Variants in MTFMT observed in about 807,000 individuals in gnomAD.
MTFMT encodes the protein mitochondrial methionyl-tRNA formyltransferase, also known as methionyl-tRNA formyltransferase, mitochondrial.
MTFMT carries 47 observed loss-of-function variants against 51.8 expected under a neutral mutation model. That is an observed-to-expected ratio of 0.91 (90% CI 0.72 to 1.16). MTFMT has a LOEUF of 1.16. Among genes scored for constraint, MTFMT ranks in the 50% most tolerant of loss-of-function variants. The pLI is 0.00. For missense variants in MTFMT, 512 were observed against 482.3 expected, an observed-to-expected ratio of 1.06 and a Z score of -0.58; for synonymous variants, 196 against 176.7, an observed-to-expected ratio of 1.11 and a Z score of -0.87.
Position 65,025,281 on chromosome 15 carries a change from T to C in MTFMT, c.420-1487A>G, listed in dbSNP as rs116797336. 2.9e-3 allele frequency among the ~76,000 whole-genome samples: 435 copies of C among 147,812 alleles called. 3 individuals carry two copies. The highest frequency in any genetic ancestry group is 9.1e-3 in the African/African-American group (367 of 40,522). The stretch of plus-strand genomic sequence containing the variant: ...TTAGCTGGGTGTGTTGGCACATTCC[T>C]ATAGTCTCAGCTACTCAGAAGGCTG... On this transcript the variant is annotated intron_variant, in intron 2 of 8. Transcript: ENST00000220058.
Position 65,002,055 on chromosome 15 carries a change from CAGT to C in MTFMT, c.*1004_*1006del, listed in dbSNP as rs895159769. ...TGCAGATTCAATACTCCTAAAATGT[CAGT>C]GGTGACACGATTTTTAAAAAATTAA... On this transcript the variant is annotated 3_prime_UTR_variant, in exon 9 of 9. Coordinates refer to ENST00000220058, the MANE Select transcript of MTFMT (RefSeq NM_139242.4). The C allele has an allele frequency of 6.6e-6, 1 of 151,986 alleles. No individual in the cohort carries two copies. Among genetic ancestry groups the C allele is most frequent in the Non-Finnish European group, 1.5e-5 (1 of 68,008 alleles). 9.4% of individuals were successfully genotyped at this position (151,986 alleles called of 1,614,324 possible).
chr15:65,011,340 A>G (rs532908448), intron 6 of MTFMT, among the ~76,000 whole-genome samples: 1 of 152,186 alleles, frequency 6.6e-6, no homozygotes, highest in East Asian at 1.9e-4. Context: ...AACAAAAAAG[A>G]AATGTTTACT....
rs2086210962 is a variant in MTFMT, at chr15:65,005,047, A to AG, written c.893-112dup. Reference sequence around the variant, plus strand: ...TTGGGAGGCAGTACTGATACCGGAGAGAACACATTTGCTGATGTTGACTTT... The same window carrying AG: ...TTGGGAGGCAGTACTGATACCGGAGAGGAACACATTTGCTGATGTTGACTTT... On this transcript the variant is annotated intron_variant, in intron 7 of 8. Coordinates refer to ENST00000220058, the MANE Select transcript of MTFMT (RefSeq NM_139242.4). 7.0e-6 allele frequency: 5 copies of AG among 716,412 alleles called. No individual in the cohort carries two copies. In the South Asian group the frequency reaches 8.4e-5, roughly 12 times the overall value. The allele number at this position is 716,412 out of a possible 1,614,324, so 44.4% of individuals were successfully genotyped here.
At chr15:65,024,984 T>C (rs547905168) in intron 2 of MTFMT, among the ~76,000 whole-genome samples, 1 of 151,892 alleles carries the variant, frequency 6.6e-6, no homozygotes, top group Admixed American at 6.6e-5. Context: ...AGAAGGTAAA[T>C]GCTCGGCAAA....
chr15:65,028,572 T>C (rs528150509), intron 1 of MTFMT, among the ~76,000 whole-genome samples: 1 of 151,876 alleles, frequency 6.6e-6, no homozygotes, highest in South Asian at 2.1e-4. Flanking sequence ...ACACAGGGGA[T>C]TGACGAAGGA....
intron 7 of MTFMT, 34 bp from the exon 8 acceptor site, chr15:65,004,970 G>A (rs754543477): frequency 6.7e-7 from 1 of 1,492,268 alleles, no homozygotes; most frequent in South Asian, 1.1e-5. Context: ...ATATACAAGA[G>A]AAAAAAGCAA....
At chr15:65,016,667 C>A (rs905558172) in intron 5 of MTFMT, 140 bp from the exon 6 acceptor site, 3 of 400,148 alleles carry the variant, frequency 7.5e-6, no homozygotes, top group African/African-American at 2.1e-5. Context: ...TTCCATATAT[C>A]AAGTAAAAAT....
chr15:65,019,634 G>C (rs2086354042), intron 5 of MTFMT, among the ~76,000 whole-genome samples: 1 of 151,210 alleles, frequency 6.6e-6, no homozygotes. Flanking sequence ...CATAGAGAGA[G>C]GAAAAAAAGA....
intron 3 of MTFMT, among the ~76,000 whole-genome samples, chr15:65,022,882 T>C (rs145196567): frequency 6.7e-6 from 1 of 150,160 alleles, no homozygotes; most frequent in East Asian, 1.9e-4. Context: ...AATTTTTTTA[T>C]TTTTTATATG....
intron 5 of MTFMT, among the ~76,000 whole-genome samples, chr15:65,018,451 C>T (rs145138024): frequency 6.6e-6 from 1 of 151,802 alleles, no homozygotes; most frequent in Non-Finnish European, 1.5e-5. Context: ...TAAGGAAAAC[C>T]CTTTAATGAT....
At chr15:65,012,385 G>A (rs958275316) in intron 6 of MTFMT, among the ~76,000 whole-genome samples, 5 of 151,864 alleles carry the variant, frequency 3.3e-5, no homozygotes, top group African/African-American at 9.7e-5. Flanking sequence ...TAAATGTATG[G>A]GTTTATTTCT....
At chr15:65,003,481 T>C (rs921257907) in intron 8 of MTFMT, among the ~76,000 whole-genome samples, 1 of 152,190 alleles carries the variant, frequency 6.6e-6, no homozygotes, top group Non-Finnish European at 1.5e-5. Context: ...TAAAAGCTTA[T>C]TACCAAGGAG....
At chr15:65,027,754 T>C (rs1299185994) in intron 1 of MTFMT, among the ~76,000 whole-genome samples, 1 of 152,200 alleles carries the variant, frequency 6.6e-6, no homozygotes, top group Non-Finnish European at 1.5e-5. Context: ...CACTGAACAT[T>C]TCTAGAAGGA....
intron 1 of MTFMT, among the ~76,000 whole-genome samples, chr15:65,028,539 G>C (rs551251949): frequency 2.4e-4 from 37 of 152,292 alleles, no homozygotes; most frequent in African/African-American, 8.7e-4. Flanking sequence ...GTGCACAGAG[G>C]GGTGTGTGGA....
chr15:65,017,740 G>A (rs903436039), intron 5 of MTFMT, among the ~76,000 whole-genome samples: 1 of 152,016 alleles, frequency 6.6e-6, no homozygotes, highest in South Asian at 2.1e-4. Context: ...TGAGACTGCA[G>A]TAAGCCATGA....
chr15:65,022,101 C>A (rs996530402), intron 3 of MTFMT, among the ~76,000 whole-genome samples: 1 of 152,160 alleles, frequency 6.6e-6, no homozygotes, highest in Non-Finnish European at 1.5e-5. Flanking sequence ...TTAGGAAGTT[C>A]ATAATTATTT....
At chr15:65,014,178 G>C (rs1021594337) in intron 6 of MTFMT, among the ~76,000 whole-genome samples, 8 of 152,062 alleles carry the variant, frequency 5.3e-5, no homozygotes, top group African/African-American at 1.9e-4. Flanking sequence ...TCTGTTCTAG[G>C]CATGGCTGGC....
intron 7 of MTFMT, among the ~76,000 whole-genome samples, chr15:65,005,907 C>G (rs1274939748): frequency 2.0e-5 from 3 of 152,140 alleles, no homozygotes; most frequent in African/African-American, 7.2e-5. Flanking sequence ...CGCGCCTGGC[C>G]TGTTCTTGTA....
At chr15:65,022,188 C>A (rs72746363) in intron 3 of MTFMT, among the ~76,000 whole-genome samples, 2,534 of 152,222 alleles carry the variant, frequency 0.017, 30 homozygotes, top group Admixed American at 0.024. Flanking sequence ...TAGGGCCAGG[C>A]GTAGTGGCTC....
Sources: allele counts gnomAD v4.1 joint callset (sites outside exome capture counted in the v4.1 genomes callset), GRCh38; gene constraint gnomAD v4.1.1; transcripts MANE v1.5; gene names NCBI Gene and HGNC (gene_info 2026-07-23, HGNC 2026-07-21).